HR: variants seen among roughly 807,000 people sequenced by gnomAD.
HR encodes HR lysine demethylase and nuclear receptor corepressor.
Under a neutral mutation model 128.6 loss-of-function variants are expected in HR, and 83 were observed. That is an observed-to-expected ratio of 0.65 (90% CI 0.54 to 0.77). The LOEUF (loss-of-function observed/expected upper bound fraction) is 0.77. Ranked by LOEUF, HR falls within the 30% of genes least tolerant of loss-of-function variation. The probability of loss-of-function intolerance (pLI) is 0.00; values close to 1 mark genes in which losing one functional copy is unlikely to be tolerated. For missense variants in HR, 1,490 were observed against 1,574.6 expected (o/e 0.95, Z 0.91); for synonymous variants, 681 against 658.2 (o/e 1.03, Z -0.53).
At chr8:22,125,235 G>T in intron 5 of HR, 76 bp downstream of exon 5, 1 of 1,456,866 alleles carries the variant, frequency 6.9e-7, no homozygotes, top group Non-Finnish European at 9.3e-7. Context: ...AGCTGGCAGT[G>T]TGGGTGGGGT....
rs748943537 is a variant in HR, at chr8:22,127,550, C to T, written c.892G>A (p.Gly298Ser). The T allele has an allele frequency of 1.2e-6, 2 of 1,613,084 alleles. No individual in the cohort carries two copies. The highest frequency in any genetic ancestry group is 2.2e-5 in the East Asian group (1 of 44,872). ...HTLGNVWAGP[G>S]DGNLGYQLGP... Reference sequence around the variant, plus strand: ...AGCTGGTACCCAAGGTTCCCATCGCCTGGCCCAGCCCAGACGTTGCCAAGA... The same window carrying T: ...AGCTGGTACCCAAGGTTCCCATCGCTTGGCCCAGCCCAGACGTTGCCAAGA... Residue 298 changes from glycine to serine, a missense_variant, in exon 3 of 19, where the codon GGC becomes AGC. Gly to Ser is a moderately conservative substitution (Grantham distance 56, BLOSUM62 0). Around this residue, in one of 3 missense-constraint regions of HR, gnomAD observed 1,060 missense variants for 1,060.9 expected, o/e 1.00. Transcript: ENST00000381418.
At position 22,127,959 on chromosome 8, in the gene HR, C is replaced by T. The variant is rs138319723; in HGVS notation, c.613-130G>A. ...CTCACATTCTGATTAATAAACAGCA[C>T]TGCCCTAGGTCTCTGGAGTGCCTCT... On this transcript the variant is annotated intron_variant, in intron 2 of 18. Transcript: ENST00000381418. The T allele has an allele frequency of 1.5e-3, 1,386 of 938,894 alleles. 15 individuals are homozygous for T. In the African/African-American group the frequency reaches 0.018, roughly 12 times the overall value. The allele number at this position is 938,894 out of a possible 1,614,324, so 58.2% of individuals were successfully genotyped here. A position where few individuals can be genotyped will look rare whatever the true frequency, so the allele number is the denominator to read the frequency against.
At chr8:22,128,464 C>T in intron 2 of HR, 95 bp downstream of exon 2, 1 of 1,541,786 alleles carries the variant, frequency 6.5e-7, no homozygotes. Flanking sequence ...TCGGTGCTGC[C>T]TTCTCTTTTC....
rs778445391 is a variant in HR, at chr8:22,121,103, G to A, written c.2329C>T (p.His777Tyr). The stretch of plus-strand genomic sequence containing the variant: ...GGAGTGACGGGGGCGAAGGCCATGT[G>A]TATTCGCTCATGGCCCAAGCAGAGT... ...VKLCLGHERI[H>Y]MAFAPVTPAL... Residue 777 changes from histidine to tyrosine, a missense_variant, in exon 10 of 19, where the codon CAC becomes TAC. Transcript: ENST00000381418. 13 of 1,613,850 alleles carry A rather than the reference G, an allele frequency of 8.1e-6. No individual in the cohort carries two copies. The highest frequency in any genetic ancestry group is 8.5e-7 in the Non-Finnish European group (1 of 1,180,044).
rs1826744464 is a variant in HR at position 22,121,224 on chromosome 8, G to A, written c.2208C>T (p.Thr736=). Reference sequence around the variant, plus strand: ...CTGCTGGGGTCTCAGCGGAATCGGGGGTCTCTGTCAGGGAGGAAGATGGTG... The same window carrying A: ...CTGCTGGGGTCTCAGCGGAATCGGGAGTCTCTGTCAGGGAGGAAGATGGTG... ...THRTKSIKEE[T]PDSAETPAED... Residue 736 remains threonine (T), a synonymous_variant, in exon 10 of 19, where the codon ACC becomes ACT. Coordinates refer to ENST00000381418, the MANE Select transcript of HR (RefSeq NM_005144.5). The A allele has an allele frequency of 6.2e-7, 1 of 1,613,728 alleles. No individual in the cohort carries two copies. The highest frequency in any genetic ancestry group is 8.5e-7 in the Non-Finnish European group (1 of 1,179,960).
chr8:22,121,178 G>T lies in HR; in HGVS notation c.2254C>A (p.Pro752Thr), dbSNP rs1228450952. ...TCGCAGAGAGAAGGACAAGGCAGGG[G>T]CCCTCGGCCAGCACGGTCCTCTGCT... ...TPAEDRAGRG[P>T]LPCPSLCELL... Residue 752 changes from proline (P) to threonine (T), a missense_variant, in exon 10 of 19, where the codon CCC becomes ACC. Physicochemically the swap from Pro to Thr is conservative, Grantham distance 38. Transcript: ENST00000381418. 4 of 1,613,964 alleles carry T rather than the reference G, an allele frequency of 2.5e-6. No homozygotes were observed. Among genetic ancestry groups the T allele is most frequent in the East Asian group, 2.2e-5 (1 of 44,882 alleles).
Position 22,128,046 on chromosome 8 carries a change from G to A in HR, c.613-217C>T, listed in dbSNP as rs532896855. 1.0e-4 allele frequency: 64 copies of A among 633,644 alleles called. No homozygotes were observed. In the African/African-American group the frequency reaches 1.0e-3, roughly 10 times the overall value. 39.3% of individuals were successfully genotyped at this position (633,644 alleles called of 1,614,324 possible). A position where few individuals can be genotyped will look rare whatever the true frequency, so the allele number is the denominator to read the frequency against. On this transcript the variant is annotated intron_variant, in intron 2 of 18. Transcript: ENST00000381418. ...ATTTCTCAGACGTCCCCACAAGGAA[G>A]TCTAAGAACTAAAGAGTGAATGCCT...
At chr8:22,125,800 T>C (rs574841718) in intron 3 of HR, 68 bp from the exon 4 acceptor site, 1 of 1,547,408 alleles carries the variant, frequency 6.5e-7, no homozygotes, top group South Asian at 1.2e-5. Context: ...TTCCTCACCT[T>C]AGCGCCCACC....
chr8:22,124,678 ATGAG>A (rs749914236), intron 5 of HR, among the ~76,000 whole-genome samples: 11 of 152,132 alleles, frequency 7.2e-5, no homozygotes, highest in Non-Finnish European at 1.0e-4. Context: ...GCCCCAGAGG[ATGAG>A]TAAGTTTTCA....
intron 14 of HR, 129 bp downstream of exon 14, chr8:22,119,631 A>AAT: frequency 8.8e-7 from 1 of 1,136,866 alleles, no homozygotes; most frequent in Non-Finnish European, 1.2e-6. Context: ...AAAAAAAAAA[A>AAT]GAAAGAAAGA....
At chr8:22,126,910 A>T (rs1403984648) in intron 3 of HR, 127 bp downstream of exon 3, 1 of 912,808 alleles carries the variant, frequency 1.1e-6, no homozygotes, top group African/African-American at 1.7e-5. Context: ...AGCCCTCGTG[A>T]TCCAGGTGGG....
rs1193191783 is a variant in HR at position 22,128,417 on chromosome 8, G to A, written c.612+142C>T. ...AGGGCTTGCTTGGGGTTGACTGTGG[G>A]GCCTGGGACAGCTCCAAGCTGATAG... is the stretch of plus-strand genomic sequence containing the variant. On this transcript the variant is annotated intron_variant, in intron 2 of 18. Coordinates refer to ENST00000381418, the MANE Select transcript of HR (RefSeq NM_005144.5). The A allele has an allele frequency of 4.2e-6, 5 of 1,199,580 alleles. No homozygotes were observed. The Admixed American group carries it at 9.9e-5, about 24-fold the overall frequency. The allele number at this position is 1,199,580 out of a possible 1,614,324, so 74.3% of individuals were successfully genotyped here.
At position 22,116,630 on chromosome 8, in the gene HR, T is replaced by G. The variant is rs1563615432; in HGVS notation, c.3379-202A>C. On this transcript the variant is annotated intron_variant, in intron 17 of 18. Transcript: ENST00000381418. The surrounding 1 kb of genome is among the most constrained non-coding windows in gnomAD (Gnocchi z 4.2). ...GAACTGCTGGAGAGACCCTAAAGTCTCCCTGCGAGCCCCCTGACATCAGCA... is the reference window on the plus strand; with the variant it reads ...GAACTGCTGGAGAGACCCTAAAGTCGCCCTGCGAGCCCCCTGACATCAGCA... Among the ~76,000 whole-genome samples the G allele has an allele frequency of 6.6e-6, 1 of 151,120 alleles. No homozygotes were observed. The highest frequency in any genetic ancestry group is 1.5e-5 in the Non-Finnish European group (1 of 67,868).
chr8:22,125,551 G>T (rs780328416), intron 4 of HR, 31 bp downstream of exon 4: 2 of 1,612,768 alleles, frequency 1.2e-6, no homozygotes, highest in South Asian at 2.2e-5. Flanking sequence ...TGGCGAGGGG[G>T]CACTGGAGGT....
rs1826976322 is a variant in HR, at chr8:22,128,934, C to T, written c.237G>A (p.Glu79=). ...CCTTCCTCTCCCCATTCTGGGGGCC[C>T]TCGCCCTCCACAAGTGGGAGCATGT... ...PKDMLPLVEG[E]GPQNGERKVN... Residue 79 remains glutamate, a synonymous_variant, in exon 2 of 19, where the codon GAG becomes GAA. Transcript: ENST00000381418. 1 of 1,613,380 alleles carries T rather than the reference C, an allele frequency of 6.2e-7. No individual in the cohort carries two copies. The highest frequency in any genetic ancestry group is 1.3e-5 in the African/African-American group (1 of 74,940).
chr8:22,128,277 C>T, intron 2 of HR: 1 of 565,690 alleles, frequency 1.8e-6, no homozygotes, highest in Admixed American at 3.1e-5. Context: ...CAGGACAAGC[C>T]ACACATTCCA....
intron 6 of HR, 124 bp from the exon 7 acceptor site, chr8:22,123,003 C>G (rs1826794985): frequency 1.2e-6 from 1 of 839,604 alleles, no homozygotes; most frequent in Non-Finnish European, 2.0e-6. Context: ...CTCGTGCTTT[C>G]TGGGAAACCT....
chr8:22,125,716 CT>C lies in HR; in HGVS notation c.1421del (p.Gln474ArgfsTer116). 1 of 1,613,900 alleles carries C rather than the reference CT, an allele frequency of 6.2e-7. No individual in the cohort carries two copies. Among genetic ancestry groups the C allele is most frequent in the Non-Finnish European group, 8.5e-7 (1 of 1,180,014 alleles). On this transcript the variant is annotated frameshift_variant, in exon 4 of 19. Coordinates refer to ENST00000381418, the MANE Select transcript of HR (RefSeq NM_005144.5). LOFTEE classifies it high-confidence loss of function. ...GAAGTCCCGGGTCCTGGAGACTGGC[CT>C]GGCCATCTTGGGGTCCTGAGGGGAC... ...HDEQKGPQDG[Q>X]ASLQDPGLQD... is the part of the protein sequence containing the mutation.
intron 18 of HR, 35 bp from the exon 19 acceptor site, chr8:22,115,797 T>C: frequency 2.5e-6 from 4 of 1,604,072 alleles, no homozygotes; most frequent in Non-Finnish European, 3.4e-6. Flanking sequence ...CATTTTCAAC[T>C]ACATTCCTGG....
Sources: gnomAD v4.1 joint callset for allele counts (sites outside exome capture counted in the v4.1 genomes callset) on GRCh38, gnomAD v4.1.1 for gene constraint, gnomAD v4.1.1 regional missense constraint, Gnocchi (gnomAD v3.1) non-coding constraint, MANE v1.5 for transcripts, NCBI Gene and HGNC (gene_info 2026-07-23, HGNC 2026-07-21) for gene names.